The following CCDC102B variants were observed in gnomAD, a reference collection of about 807,000 sequenced individuals.
The protein encoded by CCDC102B is coiled-coil domain-containing protein 102B.
In CCDC102B, 75 loss-of-function variants were observed where a neutral mutation model predicts 57.4. That is an observed-to-expected ratio of 1.31 (90% CI 1.08 to 1.58). The LOEUF is 1.58. Among genes scored for constraint, CCDC102B ranks in the 40% most tolerant of loss-of-function variants. The pLI, the probability that CCDC102B is intolerant of heterozygous loss-of-function variation, is 0.00. For synonymous variants in CCDC102B, 206 were observed against 201.9 expected (o/e 1.02, Z -0.17); for missense variants, 636 against 582.6 (o/e 1.09, Z -0.94).
At chr18:69,042,582 C>T (rs1015062968) in intron 7 of CCDC102B, among the ~76,000 whole-genome samples, 2 of 152,016 alleles carry the variant, frequency 1.3e-5, no homozygotes, top group African/African-American at 2.4e-5. Flanking sequence ...ATACTCAGCA[C>T]CCTGTACCTC....
rs138813649 is a variant in CCDC102B at position 68,773,513 on chromosome 18, G to A, written c.-66-49853G>A. Among the ~76,000 whole-genome samples the A allele has an allele frequency of 7.4e-4, 112 of 151,906 alleles. 1 individual carries two copies. The highest frequency in any genetic ancestry group is 2.5e-3 in the African/African-American group (102 of 41,488). ...AAAAATTAAATGACTAAATTGCCTC[G>A]TTATATTGTACCCTAATATAAATGT... On this transcript the variant is annotated intron_variant, in intron 2 of 3. Transcript: ENST00000578970.
At chr18:68,801,241 A>T (rs1305257612) in intron 1 of CCDC102B, among the ~76,000 whole-genome samples, 1 of 152,138 alleles carries the variant, frequency 6.6e-6, no homozygotes, top group East Asian at 1.9e-4. Flanking sequence ...TATAGAAGAC[A>T]TTTTGTATAA....
chr18:68,999,195 A>G (rs2051132632), intron 6 of CCDC102B, among the ~76,000 whole-genome samples: 1 of 151,992 alleles, frequency 6.6e-6, no homozygotes, highest in African/African-American at 2.4e-5. Context: ...GGATAAGTGG[A>G]TAAAGAAACT....
intron 7 of CCDC102B, among the ~76,000 whole-genome samples, chr18:69,042,405 C>T (rs1201860843): frequency 6.6e-6 from 1 of 152,074 alleles, no homozygotes; most frequent in African/African-American, 2.4e-5. Flanking sequence ...GATTTGGCAA[C>T]AATATTTCCT....
At chr18:68,715,226 T>C (rs1233298722), upstream of CCDC102B, 2 of 1,354,488 alleles carry the variant, frequency 1.5e-6, no homozygotes, top group East Asian at 6.2e-5. Flanking sequence ...AAGAATCCTT[T>C]GCGCTCTCGG....
intron 2 of CCDC102B, among the ~76,000 whole-genome samples, chr18:68,772,917 G>A (rs1208564564): frequency 6.6e-6 from 1 of 152,048 alleles, no homozygotes; most frequent in Middle Eastern, 3.2e-3. Context: ...TGAGAAGAGA[G>A]AGAAATAGCA....
chr18:68,842,429 GCCAAATGAAACAGAGTCTA>G (rs2037675033), intron 3 of CCDC102B, among the ~76,000 whole-genome samples: 1 of 151,692 alleles, frequency 6.6e-6, no homozygotes, highest in South Asian at 2.1e-4. Flanking sequence ...GCAATTCACT[GCCAAATGAAACAGAGTCTA>G]CACCTGTGCA....
intron 3 of CCDC102B, among the ~76,000 whole-genome samples, chr18:68,840,073 CAAT>C (rs1428254337): frequency 6.6e-6 from 1 of 151,938 alleles, no homozygotes; most frequent in Non-Finnish European, 1.5e-5. Context: ...ATGAAATGTT[CAAT>C]ATGGATTTTC....
At chr18:68,997,854 T>TG (rs544003394) in intron 6 of CCDC102B, among the ~76,000 whole-genome samples, 140 of 94,712 alleles carry the variant, frequency 1.5e-3, no homozygotes, top group Non-Finnish European at 2.5e-3. Context: ...TAATAATATG[T>TG]GTTTTTTTTG....
At chr18:68,842,999 T>C (rs535858348) in intron 3 of CCDC102B, among the ~76,000 whole-genome samples, 1 of 152,256 alleles carries the variant, frequency 6.6e-6, no homozygotes, top group East Asian at 1.9e-4. Flanking sequence ...GTCCGCTTCA[T>C]CTGCAAGCCT....
Position 68,744,074 on chromosome 18 carries a change from G to A in CCDC102B, c.-67+27480G>A, listed in dbSNP as rs1232733077. Among the ~76,000 whole-genome samples the A allele has an allele frequency of 2.0e-5, 3 of 152,110 alleles. No homozygotes were observed. In the East Asian group the frequency reaches 5.8e-4, roughly 29 times the overall value. On this transcript the variant is annotated intron_variant, in intron 2 of 3. Coordinates refer to the CCDC102B transcript ENST00000578970. ...GTTAATGAGACTATATCCAACATAT[G>A]GGACATTTTCTATATTGTTGGAATT...
chr18:69,004,929 G>A (rs151082378), intron 6 of CCDC102B, among the ~76,000 whole-genome samples: 3 of 152,110 alleles, frequency 2.0e-5, no homozygotes, highest in East Asian at 1.9e-4. Flanking sequence ...TGATTAAGAC[G>A]GATAAAATGC....
chr18:69,002,074 G>A (rs530603979), intron 6 of CCDC102B, among the ~76,000 whole-genome samples: 1 of 152,226 alleles, frequency 6.6e-6, no homozygotes, highest in Non-Finnish European at 1.5e-5. Context: ...TAGACATAAA[G>A]TGAAGTCCTG....
chr18:68,804,296 C>A (rs1284364238), intron 1 of CCDC102B, among the ~76,000 whole-genome samples: 1 of 151,860 alleles, frequency 6.6e-6, no homozygotes, highest in East Asian at 1.9e-4. Flanking sequence ...GAGGGGAGTT[C>A]AAGTGTTTGT....
intron 7 of CCDC102B, among the ~76,000 whole-genome samples, chr18:69,031,942 A>G (rs944083920): frequency 2.0e-5 from 3 of 152,040 alleles, no homozygotes; most frequent in Non-Finnish European, 1.5e-5. Context: ...GTCACATTTA[A>G]TCTTTGCATT....
chr18:69,007,373 GT>G (rs572908318), intron 6 of CCDC102B, among the ~76,000 whole-genome samples: 105 of 152,264 alleles, frequency 6.9e-4, no homozygotes, highest in Admixed American at 1.7e-3. Flanking sequence ...TCAGATTGTT[GT>G]TGTCACTCAA....
intron 6 of CCDC102B, among the ~76,000 whole-genome samples, chr18:68,995,242 G>A (rs908081778): frequency 6.6e-6 from 1 of 152,170 alleles, no homozygotes; most frequent in African/African-American, 2.4e-5. Context: ...TTTGCAGCCT[G>A]ACAATGCTAT....
At chr18:68,832,027 C>T (rs1161654541) in intron 1 of CCDC102B, among the ~76,000 whole-genome samples, 2 of 151,732 alleles carry the variant, frequency 1.3e-5, no homozygotes, top group African/African-American at 2.4e-5. Flanking sequence ...TAGCATTGTG[C>T]TTTTAATCTG....
At chr18:68,825,965 T>A (rs952806192) in intron 1 of CCDC102B, among the ~76,000 whole-genome samples, 2 of 150,976 alleles carry the variant, frequency 1.3e-5, no homozygotes, top group African/African-American at 5.0e-5. Flanking sequence ...ATATTTCCCG[T>A]TACTGTCATC....
Sources: allele counts gnomAD v4.1 joint callset (sites outside exome capture counted in the v4.1 genomes callset), GRCh38; gene constraint gnomAD v4.1.1; transcripts MANE v1.5; gene names NCBI Gene and HGNC (gene_info 2026-07-23, HGNC 2026-07-21).